RCOR1: variants seen among roughly 807,000 people sequenced by gnomAD.
The protein encoded by RCOR1 is REST corepressor.
Under a neutral mutation model 64.0 loss-of-function variants are expected in RCOR1, and 12 were observed. The ratio of observed to expected loss-of-function variants is 0.19; its 90% confidence interval spans 0.12 to 0.30. The LOEUF (loss-of-function observed/expected upper bound fraction) is 0.30, where lower values mean the gene tolerates loss of function less well. Ranked by LOEUF, RCOR1 falls within the 10% of genes least tolerant of loss-of-function variation. The pLI, the probability that RCOR1 is intolerant of heterozygous loss-of-function variation, is 1.00. For synonymous variants in RCOR1, 279 were observed against 227.2 expected (o/e 1.23, Z -2.05); for missense variants, 502 against 621.2 (o/e 0.81, Z 2.04).
At chr14:102,648,826 A>G (rs1033231197) in intron 2 of RCOR1, among the ~76,000 whole-genome samples, 7 of 152,312 alleles carry the variant, frequency 4.6e-5, no homozygotes, top group African/African-American at 1.7e-4. Flanking sequence ...AGCTTGGCCC[A>G]GACATGGAAT....
intron 2 of RCOR1, among the ~76,000 whole-genome samples, chr14:102,624,196 A>C (rs1226227732): frequency 6.6e-6 from 1 of 151,206 alleles, no homozygotes; most frequent in Non-Finnish European, 1.5e-5. Context: ...ACTCCGTCTC[A>C]CATAAATAAA....
At chr14:102,682,789 T>C (rs1376475282) in intron 3 of RCOR1, among the ~76,000 whole-genome samples, 1 of 152,248 alleles carries the variant, frequency 6.6e-6, no homozygotes, top group Non-Finnish European at 1.5e-5. Context: ...TCCTGTATCA[T>C]TCAGTGTTCA....
chr14:102,632,665 TTTCCTTTCC>T (rs796520102), intron 2 of RCOR1, among the ~76,000 whole-genome samples: 5,160 of 61,772 alleles, frequency 0.084, 261 homozygotes, highest in South Asian at 0.11. Flanking sequence ...TTTCCTTTCC[TTTCCTTTCC>T]TTTCCTTTTC....
At chr14:102,653,995 T>TCTTTTC (rs1567423523) in intron 2 of RCOR1, among the ~76,000 whole-genome samples, 1 of 119,112 alleles carries the variant, frequency 8.4e-6, no homozygotes, top group Admixed American at 9.2e-5. Context: ...TTTTTTTTTT[T>TCTTTTC]TTTTTTTTGA....
Position 102,673,325 on chromosome 14 carries a change from C to T in RCOR1, c.362-8570C>T, listed in dbSNP as rs116145587. Among the ~76,000 whole-genome samples the T allele has an allele frequency of 4.9e-3, 731 of 150,416 alleles. 2 individuals carry two copies. Among genetic ancestry groups the T allele is most frequent in the Middle Eastern group, 0.028 (8 of 290 alleles). On this transcript the variant is annotated intron_variant, in intron 2 of 11. Coordinates refer to ENST00000262241, the MANE Select transcript of RCOR1 (RefSeq NM_015156.4). ...TTGAAGTCACATACCACGGTTTATC[C>T]AATCCCTGATTTTTTTTTTTTTTTT...
At chr14:102,692,245 C>T (rs1202734187) in intron 3 of RCOR1, among the ~76,000 whole-genome samples, 1 of 152,148 alleles carries the variant, frequency 6.6e-6, no homozygotes, top group African/African-American at 2.4e-5. Flanking sequence ...TTCTTCAGCA[C>T]ATGTAAAGCA....
At chr14:102,616,415 A>G (rs776093001) in intron 2 of RCOR1, among the ~76,000 whole-genome samples, 12 of 152,046 alleles carry the variant, frequency 7.9e-5, no homozygotes, top group Non-Finnish European at 1.8e-4. Context: ...AACTATATAC[A>G]CACAGCACCA....
At chr14:102,644,587 C>A (rs1567419800) in intron 2 of RCOR1, among the ~76,000 whole-genome samples, 1 of 151,976 alleles carries the variant, frequency 6.6e-6, no homozygotes, top group Non-Finnish European at 1.5e-5. Flanking sequence ...TCAAGTTCAG[C>A]ATCTTGTCAC....
chr14:102,628,141 A>G (rs1259584228), intron 2 of RCOR1, among the ~76,000 whole-genome samples: 2 of 152,116 alleles, frequency 1.3e-5, no homozygotes, highest in Non-Finnish European at 2.9e-5. Flanking sequence ...GACCCAGAGG[A>G]GTTCCCTCTT....
intron 2 of RCOR1, chr14:102,659,367 C>A: frequency 1.5e-6 from 1 of 660,124 alleles, no homozygotes; most frequent in Non-Finnish European, 1.9e-6. Context: ...TTTATTTTGG[C>A]TATTCTGGTG....
chr14:102,661,192 C>G (rs1374292098), intron 2 of RCOR1, among the ~76,000 whole-genome samples: 2 of 151,958 alleles, frequency 1.3e-5, no homozygotes, highest in East Asian at 3.9e-4. Context: ...ACTAAAAATA[C>G]AAAAAATTAG....
In RCOR1 at chr14:102,655,110, CTTTTTTTTTT is replaced by C. The variant is rs67404203; in HGVS notation, c.362-26769_362-26760del. ...TCTGGCATTCACCACCGCGGACAAC[CTTTTTTTTTT>C]TTTTTTTTTTTTTTTAAGCTAAATT... On this transcript the variant is annotated intron_variant, in intron 2 of 11. Transcript: ENST00000262241. The C allele has an allele frequency of 3.0e-4, 31 of 104,532 alleles. No individual in the cohort carries two copies. In the East Asian group the frequency reaches 3.7e-3, roughly 13 times the overall value. 6.5% of individuals were successfully genotyped at this position (104,532 alleles called of 1,614,324 possible).
At chr14:102,682,780 C>T (rs907577550) in intron 3 of RCOR1, among the ~76,000 whole-genome samples, 9 of 152,144 alleles carry the variant, frequency 5.9e-5, no homozygotes, top group African/African-American at 2.2e-4. Flanking sequence ...TTTTCATACT[C>T]CTGTATCATT....
intron 2 of RCOR1, among the ~76,000 whole-genome samples, chr14:102,644,641 G>T (rs1246787894): frequency 6.6e-6 from 1 of 152,174 alleles, no homozygotes; most frequent in Non-Finnish European, 1.5e-5. Flanking sequence ...CCTCAGGTGT[G>T]GTTCCTCTAG....
intron 2 of RCOR1, among the ~76,000 whole-genome samples, chr14:102,624,621 C>T (rs1254935589): frequency 2.0e-5 from 3 of 152,008 alleles, no homozygotes; most frequent in African/African-American, 7.2e-5. Context: ...CAAAAATTAG[C>T]CAGGTGTGAT....
intron 2 of RCOR1, among the ~76,000 whole-genome samples, chr14:102,615,064 C>G (rs1893726746): frequency 6.6e-6 from 1 of 151,938 alleles, no homozygotes; most frequent in Admixed American, 6.6e-5. Flanking sequence ...ATCTCTTGAC[C>G]TCGTGATGTG....
chr14:102,693,602 A>AAG (rs1379112649), intron 3 of RCOR1, among the ~76,000 whole-genome samples: 55 of 151,434 alleles, frequency 3.6e-4, no homozygotes, highest in Admixed American at 3.5e-3. Flanking sequence ...CTGCCCTCTC[A>AAG]TACTCAGTCT....
intron 2 of RCOR1, among the ~76,000 whole-genome samples, chr14:102,649,566 A>C (rs1894543510): frequency 6.6e-6 from 1 of 152,234 alleles, no homozygotes. Flanking sequence ...GAAGTAGACA[A>C]GCATGGCTGC....
chr14:102,627,881 C>A (rs1894013323), intron 2 of RCOR1, among the ~76,000 whole-genome samples: 1 of 151,734 alleles, frequency 6.6e-6, no homozygotes, highest in Admixed American at 6.6e-5. Context: ...ACCCAAGAGA[C>A]ATATGTGTCT....
Sources: gnomAD v4.1 joint callset for allele counts (sites outside exome capture counted in the v4.1 genomes callset) on GRCh38, gnomAD v4.1.1 for gene constraint, MANE v1.5 for transcripts, NCBI Gene and HGNC (gene_info 2026-07-23, HGNC 2026-07-21) for gene names.